TCF4: variants seen among roughly 807,000 people sequenced by gnomAD.
The protein encoded by TCF4 is transcription factor 4, also known as SL3-3 enhancer factor 2.
In TCF4, 3 loss-of-function variants were observed where a neutral mutation model predicts 82.1. The observed-to-expected ratio is 0.04, with a 90% CI of 0.02 to 0.09. The LOEUF (loss-of-function observed/expected upper bound fraction) is 0.09. Among genes scored for constraint, TCF4 ranks in the 10% least tolerant of loss-of-function variants. TCF4 has a pLI of 1.00. For synonymous variants in TCF4, 276 were observed against 309.6 expected (o/e 0.89, Z 1.14); for missense variants, 518 against 852.7 (o/e 0.61, Z 4.89).
At chr18:55,535,080 A>G (rs2097103176) in intron 3 of TCF4, among the ~76,000 whole-genome samples, 1 of 152,238 alleles carries the variant, frequency 6.6e-6, no homozygotes, top group Non-Finnish European at 1.5e-5. Flanking sequence ...GCACTTTACC[A>G]TAGCCAACAC....
chr18:55,608,352 T>C (rs2097704046), intron 2 of TCF4, among the ~76,000 whole-genome samples: 1 of 149,690 alleles, frequency 6.7e-6, no homozygotes, highest in Admixed American at 6.8e-5. Context: ...TAGACCGATC[T>C]AGCATCTTGC....
chr18:55,294,553 G>A (rs984931089), intron 8 of TCF4, among the ~76,000 whole-genome samples: 2 of 152,166 alleles, frequency 1.3e-5, no homozygotes, highest in Non-Finnish European at 2.9e-5. Flanking sequence ...CCTTTGAATC[G>A]TAAGTGGCTT....
rs922331564 is a variant in TCF4 at position 55,635,704 on chromosome 18, T to C, written c.194A>G (p.Glu65Gly). ...AGTAGCCCAAATGCTGGTTCCTACC[T>C]CCAAGGGCCTCCTGGAGAAGCTCGA... Residue 65 changes from glutamate (E) to glycine (G), a missense_variant and splice_region_variant, in exon 1 of 21, where the codon GAG becomes GGG. By Grantham distance (98) the Glu-to-Gly change is moderately conservative. Coordinates refer to the TCF4 transcript ENST00000398339. 3.2e-6 allele frequency: 5 copies of C among 1,548,888 alleles called. No individual in the cohort carries two copies. In the African/African-American group the frequency reaches 6.9e-5, roughly 21 times the overall value.
chr18:55,486,643 T>C (rs764691888), intron 3 of TCF4, among the ~76,000 whole-genome samples: 5 of 151,986 alleles, frequency 3.3e-5, no homozygotes, highest in Non-Finnish European at 5.9e-5. Flanking sequence ...AAATCAAATA[T>C]TGGAGAGCAC....
rs537609322 is a variant in TCF4 at position 55,569,224 on chromosome 18, AAG to A, written c.145+16054_145+16055del. Among the ~76,000 whole-genome samples the A allele has an allele frequency of 2.9e-3, 443 of 152,012 alleles. 3 individuals carry two copies. The highest frequency in any genetic ancestry group is 0.01 in the African/African-American group (426 of 41,492). On this transcript the variant is annotated intron_variant, in intron 3 of 19. Coordinates refer to ENST00000354452, the MANE Select transcript of TCF4 (RefSeq NM_001083962.2). ...AGCACAGTAAAGACAAAAAAAAAAAAAGGCCAAGTATTGGGGTTTGAAAGGAA... is the reference window on the plus strand; with the variant it reads ...AGCACAGTAAAGACAAAAAAAAAAAAGCCAAGTATTGGGGTTTGAAAGGAA...
chr18:55,428,923 G>T (rs1015694111), intron 5 of TCF4, among the ~76,000 whole-genome samples: 2 of 151,958 alleles, frequency 1.3e-5, no homozygotes, highest in Non-Finnish European at 2.9e-5. Flanking sequence ...AGAAGGAGGA[G>T]AAGATATATA....
chr18:55,254,435 A>G, intron 15 of TCF4, 62 bp downstream of exon 15: 1 of 1,501,214 alleles, frequency 6.7e-7, no homozygotes. Context: ...CAACAATAGT[A>G]TCTATATCTG....
chr18:55,246,619 T>TGGTA, intron 15 of TCF4, among the ~76,000 whole-genome samples: 1 of 152,180 alleles, frequency 6.6e-6, no homozygotes, highest in South Asian at 2.1e-4. Context: ...TAAATTAATA[T>TGGTA]AGAAATATCA....
chr18:55,533,929 A>G (rs1209494936), intron 3 of TCF4, among the ~76,000 whole-genome samples: 1 of 152,248 alleles, frequency 6.6e-6, no homozygotes, highest in East Asian at 1.9e-4. Flanking sequence ...GACCCAGTAC[A>G]GGTTAAGTAT....
chr18:55,442,567 T>C (rs1042908462), intron 5 of TCF4, among the ~76,000 whole-genome samples: 1 of 152,234 alleles, frequency 6.6e-6, no homozygotes, highest in African/African-American at 2.4e-5. Context: ...GACATAGCAT[T>C]GGCAATGGGT....
intron 8 of TCF4, chr18:55,321,774 A>G: frequency 6.6e-7 from 1 of 1,513,144 alleles, no homozygotes; most frequent in African/African-American, 1.4e-5. Context: ...GTACCACTCT[A>G]ACAACTTTTA....
intron 13 of TCF4, among the ~76,000 whole-genome samples, chr18:55,258,531 T>G (rs2057377109): frequency 6.6e-6 from 1 of 152,176 alleles, no homozygotes; most frequent in Non-Finnish European, 1.5e-5. Context: ...AGCTCTGCTA[T>G]TACCACTGGT....
chr18:55,458,230 T>C (rs1379063791), intron 5 of TCF4, among the ~76,000 whole-genome samples: 2 of 152,214 alleles, frequency 1.3e-5, no homozygotes, highest in East Asian at 3.8e-4. Context: ...TGCTATAGCT[T>C]TTACCCTGAT....
chr18:55,588,015 GC>G, intron 1 of TCF4, 22 bp downstream of exon 1: 14 of 981,064 alleles, frequency 1.4e-5, no homozygotes, highest in Non-Finnish European at 1.6e-5. Context: ...GCCCCGCCGA[GC>G]CCCGCAGGCG....
chr18:55,510,436 C>T (rs923614838), intron 3 of TCF4: 11 of 502,600 alleles, frequency 2.2e-5, no homozygotes, highest in African/African-American at 2.2e-4. Flanking sequence ...AAATCCTGAA[C>T]CATGCATTTC....
intron 5 of TCF4, among the ~76,000 whole-genome samples, chr18:55,425,907 TG>T (rs1335603488): frequency 2.0e-5 from 3 of 152,154 alleles, no homozygotes; most frequent in African/African-American, 7.2e-5. Flanking sequence ...TCAGTGCCCC[TG>T]CTGTTTAAAC....
intron 3 of TCF4, among the ~76,000 whole-genome samples, chr18:55,480,936 T>C (rs1293329607): frequency 4.6e-5 from 7 of 152,026 alleles, no homozygotes; most frequent in Admixed American, 4.6e-4. Context: ...AAACTCTGTC[T>C]CTACTAAAAA....
intron 8 of TCF4, among the ~76,000 whole-genome samples, chr18:55,286,652 G>GTA (rs937815052): frequency 6.6e-6 from 1 of 152,136 alleles, no homozygotes; most frequent in African/African-American, 2.4e-5. Flanking sequence ...CATACTCAAA[G>GTA]GCACAAGACA....
At chr18:55,586,997 G>C (rs1568468030) in intron 2 of TCF4, 48 bp downstream of exon 2, 3 of 1,557,192 alleles carry the variant, frequency 1.9e-6, no homozygotes, top group East Asian at 2.2e-5. Flanking sequence ...TTGGGTTTTT[G>C]TTTTGTTTTT....
Sources: allele counts gnomAD v4.1 joint callset (sites outside exome capture counted in the v4.1 genomes callset), GRCh38; gene constraint gnomAD v4.1.1; transcripts MANE v1.5; gene names NCBI Gene and HGNC (gene_info 2026-07-23, HGNC 2026-07-21).